The following KANK1 variants were observed in gnomAD, a reference collection of about 807,000 sequenced individuals.
KANK1 encodes KN motif and ankyrin repeat domains 1.
In KANK1, 109 loss-of-function variants were observed where a neutral mutation model predicts 106.2. The ratio of observed to expected loss-of-function variants is 1.03; its 90% CI spans 0.88 to 1.20. The LOEUF (loss-of-function observed/expected upper bound fraction) is 1.20. KANK1 is among the 50% of genes most tolerant of loss of function. The pLI is 0.00. For synonymous variants in KANK1, 873 were observed against 652.2 expected (o/e 1.34, Z -5.16); for missense variants, 2,399 against 1,710.7 (o/e 1.40, Z -7.10).
At chr9:483,887 G>T (rs1031632633) in intron 3 of KANK1, among the ~76,000 whole-genome samples, 1 of 152,052 alleles carries the variant, frequency 6.6e-6, no homozygotes, top group Non-Finnish European at 1.5e-5. Context: ...AAGCTATCAG[G>T]GCTATTTAAA....
intron 2 of KANK1, among the ~76,000 whole-genome samples, chr9:705,016 A>G (rs1368423470): frequency 7.1e-6 from 1 of 141,522 alleles, no homozygotes; most frequent in African/African-American, 2.6e-5. Flanking sequence ...AAAAAAAAAA[A>G]AGAGCAATAC....
In KANK1 at chr9:706,410, T is replaced by C. The variant is rs553910362; in HGVS notation, c.38-4394T>C. On this transcript the variant is annotated intron_variant, in intron 2 of 11. Transcript: ENST00000382297. ...AACTGTGATAAGTTTTGTTGTGTTTTAAATACTGATGTTGAGTCAGTTCAT... is the reference window on the plus strand; with the variant it reads ...AACTGTGATAAGTTTTGTTGTGTTTCAAATACTGATGTTGAGTCAGTTCAT... Among the ~76,000 whole-genome samples, 72 of 152,330 alleles carry C rather than the reference T, an allele frequency of 4.7e-4. 1 individual carries two copies. The highest frequency in any genetic ancestry group is 3.4e-3 in the Middle Eastern group (1 of 294).
At chr9:612,349 C>G (rs1412227625) in intron 1 of KANK1, among the ~76,000 whole-genome samples, 2 of 152,120 alleles carry the variant, frequency 1.3e-5, no homozygotes, top group Non-Finnish European at 2.9e-5. Context: ...GTGATGCACT[C>G]TGACTGGGTG....
At chr9:744,079 T>C (rs1363421154) in intron 10 of KANK1, among the ~76,000 whole-genome samples, 1 of 152,184 alleles carries the variant, frequency 6.6e-6, no homozygotes, top group Non-Finnish European at 1.5e-5. Flanking sequence ...CCGAGGTGGT[T>C]TAGGGTTTTA....
intron 1 of KANK1, among the ~76,000 whole-genome samples, chr9:578,457 A>T (rs1288324217): frequency 1.3e-5 from 2 of 151,884 alleles, no homozygotes; most frequent in Admixed American, 1.3e-4. Context: ...ATCCTGAAAG[A>T]AAAAGCCTTT....
intron 1 of KANK1, among the ~76,000 whole-genome samples, chr9:514,746 G>T (rs2059205573): frequency 6.6e-6 from 1 of 151,698 alleles, no homozygotes; most frequent in Non-Finnish European, 1.5e-5. Context: ...GTACTGTCAT[G>T]AATGATTTTG....
chr9:547,943 C>CT (rs921854176), intron 1 of KANK1, among the ~76,000 whole-genome samples: 15 of 152,002 alleles, frequency 9.9e-5, no homozygotes, highest in African/African-American at 2.9e-4. Flanking sequence ...GATCATCTGA[C>CT]TTTTTTTTAT....
At chr9:483,718 A>G (rs1357128074) in intron 3 of KANK1, among the ~76,000 whole-genome samples, 1 of 152,196 alleles carries the variant, frequency 6.6e-6, no homozygotes, top group Non-Finnish European at 1.5e-5. Flanking sequence ...ATATGAGAAA[A>G]TGTATTCTCC....
intron 1 of KANK1, among the ~76,000 whole-genome samples, chr9:609,448 T>C (rs549883667): frequency 6.6e-6 from 1 of 152,044 alleles, no homozygotes; most frequent in Non-Finnish European, 1.5e-5. Context: ...GCCAACATGG[T>C]GAAACCCCAT....
chr9:714,329 A>T (rs1827089641), intron 3 of KANK1, among the ~76,000 whole-genome samples: 1 of 151,598 alleles, frequency 6.6e-6, no homozygotes, highest in Non-Finnish European at 1.5e-5. Context: ...TGAGGTGGTC[A>T]AACTTGGAGA....
chr9:557,232 C>T (rs1317380563), intron 1 of KANK1, among the ~76,000 whole-genome samples: 2 of 149,204 alleles, frequency 1.3e-5, no homozygotes, highest in East Asian at 3.9e-4. Context: ...TATAAATGCA[C>T]ACTGATGTTC....
rs544555396 is a variant in KANK1 at position 703,158 on chromosome 9, A to AT, written c.38-7641dup. Reference sequence around the variant, plus strand: ...AGGCATGTGCCACCACACCCAGCTAATTTTTGTATTTTCAGTAGAGACAGG... The same window carrying AT: ...AGGCATGTGCCACCACACCCAGCTAATTTTTTGTATTTTCAGTAGAGACAGG... On this transcript the variant is annotated intron_variant, in intron 2 of 11. Transcript: ENST00000382297. Among the ~76,000 whole-genome samples, 489 of 152,068 alleles carry AT rather than the reference A, an allele frequency of 3.2e-3. 1 individual carries two copies. Among genetic ancestry groups the AT allele is most frequent in the Middle Eastern group, 0.014 (4 of 294 alleles).
At chr9:565,484 C>T (rs758221383) in intron 1 of KANK1, among the ~76,000 whole-genome samples, 9 of 152,140 alleles carry the variant, frequency 5.9e-5, no homozygotes, top group South Asian at 2.1e-4. Flanking sequence ...GGTGGCTAGC[C>T]GCATGGGAGA....
chr9:519,445 G>A (rs1295001839), intron 1 of KANK1, among the ~76,000 whole-genome samples: 2 of 151,716 alleles, frequency 1.3e-5, no homozygotes, highest in Admixed American at 1.3e-4. Flanking sequence ...TTTGGGTATT[G>A]TTTTTCTTTG....
At chr9:569,688 T>C (rs1412093007) in intron 1 of KANK1, among the ~76,000 whole-genome samples, 1 of 152,256 alleles carries the variant, frequency 6.6e-6, no homozygotes, top group African/African-American at 2.4e-5. Context: ...TGTGTTCACT[T>C]TTCTTTCATC....
At chr9:558,744 A>G (rs1815562403) in intron 1 of KANK1, 1 of 152,052 alleles carries the variant, frequency 6.6e-6, no homozygotes, top group South Asian at 2.1e-4. Context: ...TTAATAGTAT[A>G]AGGGCTAGAA....
intron 3 of KANK1, among the ~76,000 whole-genome samples, chr9:496,361 C>T (rs535073603): frequency 1.7e-3 from 256 of 152,282 alleles, no homozygotes; most frequent in Middle Eastern, 3.4e-3. Context: ...CCAGACCAGC[C>T]TGGCCAACAG....
At chr9:556,356 A>C (rs2061581834) in intron 1 of KANK1, among the ~76,000 whole-genome samples, 1 of 152,182 alleles carries the variant, frequency 6.6e-6, no homozygotes, top group Admixed American at 6.5e-5. Context: ...CCCAGGGAAG[A>C]CTTAGGGAAC....
At chr9:485,883 AAAAG>A (rs1055458610) in intron 3 of KANK1, among the ~76,000 whole-genome samples, 14 of 150,764 alleles carry the variant, frequency 9.3e-5, no homozygotes, top group South Asian at 2.1e-4. Context: ...AAAAAAAAAA[AAAAG>A]AAAAGAAAAA....
Sources: allele counts gnomAD v4.1 joint callset (sites outside exome capture counted in the v4.1 genomes callset), GRCh38; gene constraint gnomAD v4.1.1; transcripts MANE v1.5; gene names NCBI Gene and HGNC (gene_info 2026-07-23, HGNC 2026-07-21).